CNTNAP2: variants seen among roughly 807,000 people sequenced by gnomAD.
CNTNAP2 encodes contactin associated protein 2.
CNTNAP2 carries 98 observed loss-of-function variants against 155.2 expected under a neutral mutation model. That is an observed-to-expected ratio of 0.63 (90% CI 0.54 to 0.75). CNTNAP2 has a LOEUF of 0.75. Among genes scored for constraint, CNTNAP2 ranks in the 30% least tolerant of loss-of-function variants. The pLI is 0.00. For synonymous variants in CNTNAP2, 651 were observed against 631.2 expected (o/e 1.03, Z -0.47); for missense variants, 1,727 against 1,688.1 (o/e 1.02, Z -0.40).
At chr7:147,768,933 G>T (rs895082259) in intron 13 of CNTNAP2, among the ~76,000 whole-genome samples, 7 of 152,118 alleles carry the variant, frequency 4.6e-5, no homozygotes, top group African/African-American at 1.7e-4. Context: ...CCACTTCAAA[G>T]AAGGTACTTT....
intron 8 of CNTNAP2, among the ~76,000 whole-genome samples, chr7:147,221,281 C>T (rs1320481710): frequency 1.3e-5 from 2 of 151,736 alleles, no homozygotes; most frequent in African/African-American, 4.8e-5. Flanking sequence ...TTTTTTTGAA[C>T]AAATATTTAC....
intron 14 of CNTNAP2, among the ~76,000 whole-genome samples, chr7:147,941,541 A>G (rs942264156): frequency 1.3e-5 from 2 of 152,170 alleles, no homozygotes. Flanking sequence ...CAGACAGAAA[A>G]TAGCTCTGTG....
intron 15 of CNTNAP2, among the ~76,000 whole-genome samples, chr7:148,040,181 G>A (rs1162568899): frequency 6.6e-6 from 1 of 152,114 alleles, no homozygotes; most frequent in Non-Finnish European, 1.5e-5. Flanking sequence ...AAAACCATGT[G>A]CCCAAAATAA....
chr7:148,278,588 A>T (rs950238922), intron 21 of CNTNAP2, among the ~76,000 whole-genome samples: 1 of 147,102 alleles, frequency 6.8e-6, no homozygotes, highest in Non-Finnish European at 1.5e-5. Context: ...AAAAAAAAAA[A>T]GCCTGAGCAA....
chr7:146,928,387 C>A (rs916813739), intron 3 of CNTNAP2, among the ~76,000 whole-genome samples: 6 of 152,026 alleles, frequency 3.9e-5, no homozygotes, highest in Admixed American at 2.6e-4. Flanking sequence ...TAATGTTGGT[C>A]GTTCTGGGTG....
At chr7:146,255,030 G>A (rs1177045301) in intron 1 of CNTNAP2, among the ~76,000 whole-genome samples, 1 of 151,942 alleles carries the variant, frequency 6.6e-6, no homozygotes, top group Non-Finnish European at 1.5e-5. Context: ...AAAAAAAAAT[G>A]AGACTCAAGG....
intron 1 of CNTNAP2, among the ~76,000 whole-genome samples, chr7:146,449,329 C>CTATTATATTATGTAATT (rs969824757): frequency 6.6e-6 from 1 of 151,890 alleles, no homozygotes; most frequent in Admixed American, 6.6e-5. Context: ...TGGTATTTTT[C>CTATTATATTATGTAATT]TATTATATTA....
At chr7:147,389,731 T>C (rs747333230) in intron 9 of CNTNAP2, among the ~76,000 whole-genome samples, 4 of 152,200 alleles carry the variant, frequency 2.6e-5, no homozygotes, top group East Asian at 3.8e-4. Flanking sequence ...ACTGACAAGA[T>C]TACAATTCAC....
chr7:146,929,493 A>C (rs1796695774), intron 3 of CNTNAP2, among the ~76,000 whole-genome samples: 1 of 152,174 alleles, frequency 6.6e-6, no homozygotes, highest in Non-Finnish European at 1.5e-5. Flanking sequence ...TGGGGAAAAA[A>C]CAGAGCAGAA....
chr7:147,558,009 G>C (rs1404791316), intron 11 of CNTNAP2, among the ~76,000 whole-genome samples: 1 of 152,042 alleles, frequency 6.6e-6, no homozygotes, highest in African/African-American at 2.4e-5. Flanking sequence ...CTCTATCACA[G>C]CTATTCTTGT....
intron 10 of CNTNAP2, among the ~76,000 whole-genome samples, chr7:147,408,775 G>A (rs1346651715): frequency 6.6e-6 from 1 of 152,072 alleles, no homozygotes; most frequent in African/African-American, 2.4e-5. Flanking sequence ...ATAAAAAAAA[G>A]AGGACGTTGC....
chr7:147,949,748 G>T (rs891863457), intron 14 of CNTNAP2, among the ~76,000 whole-genome samples: 1 of 152,130 alleles, frequency 6.6e-6, no homozygotes, highest in African/African-American at 2.4e-5. Context: ...CTCCTTGAAG[G>T]TTGACCCTGG....
At chr7:146,908,925 A>T in intron 3 of CNTNAP2, among the ~76,000 whole-genome samples, 1 of 149,422 alleles carries the variant, frequency 6.7e-6, no homozygotes, top group East Asian at 1.9e-4. Context: ...TAAAGAAAAA[A>T]AGAGAGAAGA....
At chr7:146,998,757 G>A (rs1307443893) in intron 3 of CNTNAP2, among the ~76,000 whole-genome samples, 1 of 151,750 alleles carries the variant, frequency 6.6e-6, no homozygotes, top group East Asian at 1.9e-4. Flanking sequence ...TTATCGAATT[G>A]ACTACTTTAT....
intron 1 of CNTNAP2, among the ~76,000 whole-genome samples, chr7:146,187,208 T>C (rs146115671): frequency 0.011 from 1,733 of 152,270 alleles, 20 homozygotes; most frequent in Middle Eastern, 0.017. Context: ...CACCCAACTC[T>C]GGTAAATGTG....
intron 9 of CNTNAP2, among the ~76,000 whole-genome samples, chr7:147,379,507 C>T (rs1478245385): frequency 6.6e-6 from 1 of 152,024 alleles, no homozygotes; most frequent in East Asian, 1.9e-4. Flanking sequence ...TCAAAAGATA[C>T]CAGCTTGGAA....
chr7:147,551,947 G>A (rs1562993173), intron 11 of CNTNAP2, among the ~76,000 whole-genome samples: 1 of 152,108 alleles, frequency 6.6e-6, no homozygotes, highest in Non-Finnish European at 1.5e-5. Flanking sequence ...TTTGAAATAT[G>A]CACCATAAAC....
intron 8 of CNTNAP2, among the ~76,000 whole-genome samples, chr7:147,161,345 T>C (rs1219414081): frequency 6.6e-6 from 1 of 152,174 alleles, no homozygotes; most frequent in Admixed American, 6.5e-5. Flanking sequence ...ATATCCTGGG[T>C]ACTGTTGTTC....
intron 3 of CNTNAP2, among the ~76,000 whole-genome samples, chr7:146,874,451 T>G (rs1460786249): frequency 6.6e-6 from 1 of 152,186 alleles, no homozygotes; most frequent in Non-Finnish European, 1.5e-5. Context: ...GTGATTCTCC[T>G]GCCTCGGCTT....
Sources: allele counts gnomAD v4.1 joint callset (sites outside exome capture counted in the v4.1 genomes callset), GRCh38; gene constraint gnomAD v4.1.1; transcripts MANE v1.5; gene names NCBI Gene and HGNC (gene_info 2026-07-23, HGNC 2026-07-21).